The following CDH13 variants were observed in gnomAD, a reference collection of about 807,000 sequenced individuals.
CDH13 encodes the protein cadherin 13.
In CDH13, 24 loss-of-function variants were observed where a neutral mutation model predicts 63.8. The observed-to-expected ratio is 0.38, with a 90% CI of 0.27 to 0.53. CDH13 has a LOEUF of 0.53. CDH13 is among the 20% of genes least tolerant of loss of function. The pLI, the probability that CDH13 is intolerant of heterozygous loss-of-function variation, is 0.85. For synonymous variants in CDH13, 503 were observed against 355.3 expected (o/e 1.42, Z -4.67); for missense variants, 1,049 against 903.1 (o/e 1.16, Z -2.07).
rs1168790174 is a variant in CDH13 at position 82,627,242 on chromosome 16, C to G, written c.45+105C>G. On this transcript the variant is annotated intron_variant, in intron 1 of 13. Coordinates refer to ENST00000567109, the MANE Select transcript of CDH13 (RefSeq NM_001257.5). Reference sequence around the variant, plus strand: ...CTTTCGGGGGGTCGGGGCCTCCGGTCGCGGCGGCGAAGACAGATCGGGGCT... The same window carrying G: ...CTTTCGGGGGGTCGGGGCCTCCGGTGGCGGCGGCGAAGACAGATCGGGGCT... 12 of 974,858 alleles carry G rather than the reference C, an allele frequency of 1.2e-5. No homozygotes were observed. The South Asian group carries it at 1.7e-4, about 13-fold the overall frequency. The allele number at this position is 974,858 out of a possible 1,614,324, so 60.4% of individuals were successfully genotyped here. A position where few individuals can be genotyped will look rare whatever the true frequency, so the allele number is the denominator to read the frequency against.
chr16:83,314,465 T>C (rs1597726452), intron 5 of CDH13, among the ~76,000 whole-genome samples: 1 of 152,292 alleles, frequency 6.6e-6, no homozygotes, highest in South Asian at 2.1e-4. Flanking sequence ...CAGAGCACCC[T>C]CTGTGATTTG....
intron 5 of CDH13, 85 bp downstream of exon 5, chr16:83,217,582 T>C (rs940009428): frequency 5.0e-6 from 7 of 1,408,716 alleles, no homozygotes; most frequent in Non-Finnish European, 2.0e-6. Flanking sequence ...TCATTATTTC[T>C]GTGCCTCATC....
chr16:83,333,875 C>T (rs1227387233), intron 5 of CDH13, among the ~76,000 whole-genome samples: 1 of 152,140 alleles, frequency 6.6e-6, no homozygotes, highest in Non-Finnish European at 1.5e-5. Context: ...ATTATGTGGC[C>T]ACTGTATTAA....
chr16:82,728,953 C>T lies in CDH13; in HGVS notation c.45+101816C>T, dbSNP rs147992714. Among the ~76,000 whole-genome samples, 316 of 152,254 alleles carry T rather than the reference C, an allele frequency of 2.1e-3. 2 individuals carry two copies. The highest frequency in any genetic ancestry group is 5.8e-3 in the African/African-American group (242 of 41,536). ...CAGTATCTTCCCAAGGAATAGAATC[C>T]ATCTCAAGAAACCACTTTCTTGGCT... On this transcript the variant is annotated intron_variant, in intron 1 of 13. Transcript: ENST00000567109.
chr16:82,984,097 G>C lies in CDH13; in HGVS notation c.158-47913G>C, dbSNP rs148890439. Among the ~76,000 whole-genome samples the C allele has an allele frequency of 1.7e-3, 252 of 152,270 alleles. 3 individuals carry two copies. Among genetic ancestry groups the C allele is most frequent in the Non-Finnish European group, 5.3e-4 (36 of 68,016 alleles). ...GTTTTCTAAACCTGGCAGGTCACTT[G>C]AATCACATGGGAGGCCATTAAACAC... On this transcript the variant is annotated intron_variant, in intron 2 of 13. Coordinates refer to ENST00000567109, the MANE Select transcript of CDH13 (RefSeq NM_001257.5).
chr16:83,370,266 T>C (rs924892631), intron 6 of CDH13, among the ~76,000 whole-genome samples: 1 of 151,570 alleles, frequency 6.6e-6, no homozygotes, highest in Admixed American at 6.6e-5. Flanking sequence ...CGGGCGGCTA[T>C]AGTCGCAGCT....
intron 4 of CDH13, among the ~76,000 whole-genome samples, chr16:83,175,802 A>G (rs2038095496): frequency 1.3e-5 from 2 of 149,796 alleles, no homozygotes; most frequent in Non-Finnish European, 1.5e-5. Flanking sequence ...CATAATATAC[A>G]TACTGTTTTT....
At chr16:83,793,328 C>T (rs148331274) in intron 13 of CDH13, among the ~76,000 whole-genome samples, 287 of 152,254 alleles carry the variant, frequency 1.9e-3, no homozygotes, top group African/African-American at 6.6e-3. Context: ...GAAACCGGAT[C>T]TGAGCATCCT....
intron 8 of CDH13, among the ~76,000 whole-genome samples, chr16:83,658,853 ATCCTCACCAGCAAGGTCTCC>A (rs1913153847): frequency 2.4e-5 from 3 of 124,874 alleles, no homozygotes; most frequent in Admixed American, 8.1e-5. Context: ...CAGGTCCCGT[ATCCTCACCAGCAAGGTCTCC>A]TGTCCTCACC....
intron 3 of CDH13, among the ~76,000 whole-genome samples, chr16:83,036,309 C>A (rs1409649771): frequency 5.3e-5 from 8 of 152,040 alleles, no homozygotes; most frequent in African/African-American, 1.9e-4. Flanking sequence ...ACCACCACAC[C>A]TGGCTACTTT....
intron 1 of CDH13, among the ~76,000 whole-genome samples, chr16:82,782,550 T>TG (rs1567528400): frequency 1.1e-4 from 9 of 80,042 alleles, no homozygotes; most frequent in Non-Finnish European, 2.1e-4. Flanking sequence ...AGACTCCATC[T>TG]CAAAAAAAAA....
chr16:82,751,703 T>TTAAAAA (rs1351552337), intron 1 of CDH13, among the ~76,000 whole-genome samples: 2,029 of 139,900 alleles, frequency 0.015, 44 homozygotes, highest in African/African-American at 0.051. Context: ...GGAAAACAGG[T>TTAAAAA]AAAAAAAAAA....
At chr16:83,218,590 C>G (rs565346661) in intron 5 of CDH13, among the ~76,000 whole-genome samples, 65 of 152,286 alleles carry the variant, frequency 4.3e-4, no homozygotes, top group African/African-American at 1.4e-3. Context: ...TAGGAACAAC[C>G]AGCAGCAGAC....
chr16:83,375,572 T>C (rs1437645107), intron 6 of CDH13, among the ~76,000 whole-genome samples: 1 of 152,152 alleles, frequency 6.6e-6, no homozygotes, highest in African/African-American at 2.4e-5. Context: ...AACAGGCTTG[T>C]ATGTTGTATA....
chr16:83,533,822 T>C (rs1399839071), intron 7 of CDH13, among the ~76,000 whole-genome samples: 2 of 152,034 alleles, frequency 1.3e-5, no homozygotes, highest in South Asian at 2.1e-4. Flanking sequence ...GATTTCGCCA[T>C]GTTGCCCAGG....
chr16:83,222,636 A>G (rs755064903), intron 5 of CDH13, among the ~76,000 whole-genome samples: 98 of 152,174 alleles, frequency 6.4e-4, no homozygotes, highest in Middle Eastern at 3.4e-3. Flanking sequence ...GGGACATGCT[A>G]TGTAAGTCTT....
intron 1 of CDH13, among the ~76,000 whole-genome samples, chr16:82,718,886 C>G (rs2032573017): frequency 6.6e-6 from 1 of 152,138 alleles, no homozygotes; most frequent in South Asian, 2.1e-4. Context: ...TAAATCATAT[C>G]AAGTGTCCAG....
chr16:83,645,843 A>T (rs1567477186), intron 8 of CDH13, among the ~76,000 whole-genome samples: 2 of 152,216 alleles, frequency 1.3e-5, no homozygotes, highest in African/African-American at 4.8e-5. Context: ...CAGTGGAAAT[A>T]CTAAAAAAGT....
intron 5 of CDH13, among the ~76,000 whole-genome samples, chr16:83,243,797 T>C (rs1208962724): frequency 6.6e-6 from 1 of 152,218 alleles, no homozygotes. Context: ...GGTCAGTTAG[T>C]AAATGAGATC....
Sources: allele counts gnomAD v4.1 joint callset (sites outside exome capture counted in the v4.1 genomes callset), GRCh38; gene constraint gnomAD v4.1.1; transcripts MANE v1.5; gene names NCBI Gene and HGNC (gene_info 2026-07-23, HGNC 2026-07-21).